The following ANK3 variants were observed in gnomAD, a reference collection of about 807,000 sequenced individuals.
ANK3 encodes the protein ankyrin-3.
In ANK3, 57 loss-of-function variants were observed where a neutral mutation model predicts 370.9. The observed-to-expected ratio is 0.15, with a 90% confidence interval of 0.12 to 0.19. The LOEUF is 0.19. Among genes scored for constraint, ANK3 ranks in the 10% least tolerant of loss-of-function variants. The probability of loss-of-function intolerance (pLI) is 1.00; values close to 1 mark genes in which losing one functional copy is unlikely to be tolerated. For missense variants in ANK3, 4,439 were observed against 5,302.1 expected (o/e 0.84, Z 5.06); for synonymous variants, 1,929 against 1,946.3 (o/e 0.99, Z 0.23).
At chr10:60,217,236 T>G (rs1350101805) in intron 8 of ANK3, among the ~76,000 whole-genome samples, 4 of 152,152 alleles carry the variant, frequency 2.6e-5, no homozygotes, top group South Asian at 2.1e-4. Context: ...ATTGATTTTT[T>G]GGGGGGTTTT....
chr10:60,120,330 T>C (rs2132132376), intron 25 of ANK3, among the ~76,000 whole-genome samples: 1 of 152,062 alleles, frequency 6.6e-6, no homozygotes, highest in East Asian at 1.9e-4. Flanking sequence ...AATTAAAGAC[T>C]TAAATCTAAG....
intron 1 of ANK3, among the ~76,000 whole-genome samples, chr10:60,381,709 A>T (rs2061574018): frequency 6.6e-6 from 1 of 152,296 alleles, no homozygotes; most frequent in African/African-American, 2.4e-5. Context: ...CACTCTTTTT[A>T]TGCAAGGAAC....
chr10:60,348,465 A>G (rs979641324), intron 1 of ANK3, among the ~76,000 whole-genome samples: 2 of 152,026 alleles, frequency 1.3e-5, no homozygotes, highest in African/African-American at 4.8e-5. Context: ...GACTAAAGAC[A>G]CAGACTTAGG....
chr10:60,262,572 A>T (rs569873062), intron 6 of ANK3, among the ~76,000 whole-genome samples: 1 of 152,336 alleles, frequency 6.6e-6, no homozygotes, highest in East Asian at 1.9e-4. Flanking sequence ...ATGCTAAAAC[A>T]TGCAGCGATT....
rs200218631 is a variant in ANK3 at position 60,072,369 on chromosome 10, T to C, written c.8512A>G (p.Thr2838Ala). ...QQAKDLACHI[T>A]SDLATRGPWD... ...GGTCCCCTAGTTGCTAAATCTGAGGTTATATGACATGCCAAGTCTTTAGCC... is the reference window on the plus strand; with the variant it reads ...GGTCCCCTAGTTGCTAAATCTGAGGCTATATGACATGCCAAGTCTTTAGCC... The change falls in exon 37 of 44, where the codon ACC becomes GCC. Residue 2838 changes from threonine to alanine, a missense_variant. Physicochemically the swap from Thr to Ala is moderately conservative, Grantham distance 58 (BLOSUM62 0). This residue lies in a region of ANK3 where 1,601 missense variants were observed against 1,731.7 expected (regional missense o/e 0.92). Coordinates refer to ENST00000280772, the MANE Select transcript of ANK3 (RefSeq NM_020987.5). 1.4e-4 allele frequency: 227 copies of C among 1,613,874 alleles called. No homozygotes were observed. The highest frequency in any genetic ancestry group is 3.3e-4 in the Middle Eastern group (2 of 6,078).
chr10:60,450,651 A>G (rs1188664207), intron 2 of ANK3, among the ~76,000 whole-genome samples: 1 of 152,212 alleles, frequency 6.6e-6, no homozygotes, highest in Non-Finnish European at 1.5e-5. Context: ...TTCGGGCTGG[A>G]GTATAAGATG....
In ANK3 at chr10:60,648,319, AT is replaced by A. The variant is rs71018916; in HGVS notation, c.58-33096del. 6.0e-4 allele frequency among the ~76,000 whole-genome samples: 77 copies of A among 127,336 alleles called. 1 individual carries two copies. The highest frequency in any genetic ancestry group is 4.6e-3 in the Middle Eastern group (1 of 216). The allele number at this position is 127,336 out of a possible 152,430, so 83.5% of individuals were successfully genotyped here. On this transcript the variant is annotated intron_variant, in intron 1 of 43. Coordinates refer to the ANK3 transcript ENST00000373827. Reference sequence around the variant, plus strand: ...AGGCATGAGCCACCATGCCCGGCTAATTTTTTTTTTTTTGTATTTTTAATAG... The same window carrying A: ...AGGCATGAGCCACCATGCCCGGCTAATTTTTTTTTTTTGTATTTTTAATAG...
At chr10:60,143,123 C>T (rs1473167128) in intron 23 of ANK3, among the ~76,000 whole-genome samples, 1 of 152,124 alleles carries the variant, frequency 6.6e-6, no homozygotes, top group Non-Finnish European at 1.5e-5. Context: ...ATTTAAATTG[C>T]TACTATTTAT....
At chr10:60,355,360 A>AT (rs890323523) in intron 1 of ANK3, among the ~76,000 whole-genome samples, 18 of 150,196 alleles carry the variant, frequency 1.2e-4, no homozygotes, top group East Asian at 7.8e-4. Flanking sequence ...ATCAGTGATC[A>AT]TTTTTTTTTT....
upstream of ANK3, among the ~76,000 whole-genome samples, chr10:60,392,574 T>G (rs2063134174): frequency 6.6e-6 from 1 of 152,196 alleles, no homozygotes; most frequent in Non-Finnish European, 1.5e-5. Flanking sequence ...ACCATGAGAA[T>G]GTTTACATAG....
At chr10:60,599,209 G>C (rs1042967437) in intron 2 of ANK3, among the ~76,000 whole-genome samples, 1 of 152,088 alleles carries the variant, frequency 6.6e-6, no homozygotes, top group African/African-American at 2.4e-5. Context: ...GGGATTACAG[G>C]AATGAGCCAC....
At chr10:60,171,122 G>C (rs1028209932) in intron 21 of ANK3, among the ~76,000 whole-genome samples, 1 of 152,056 alleles carries the variant, frequency 6.6e-6, no homozygotes, top group Non-Finnish European at 1.5e-5. Flanking sequence ...CTTAATGATA[G>C]ATTTTAATAT....
At chr10:60,491,547 C>T (rs1595137082) in intron 2 of ANK3, among the ~76,000 whole-genome samples, 1 of 152,288 alleles carries the variant, frequency 6.6e-6, no homozygotes, top group East Asian at 1.9e-4. Flanking sequence ...ACACTTTGTG[C>T]CTACTGTGTT....
Position 60,703,901 on chromosome 10 carries a change from C to G in ANK3, c.57+29362G>C, listed in dbSNP as rs113569552. On this transcript the variant is annotated intron_variant, in intron 1 of 43. Transcript: ENST00000373827. ...TGTTCGTGCCCTTGTGCAGAACCGT[C>G]TCCTTGAATTGGGGTTGACCTTAAC... 9.9e-4 allele frequency among the ~76,000 whole-genome samples: 151 copies of G among 152,276 alleles called. 1 individual carries two copies. Among genetic ancestry groups the G allele is most frequent in the Middle Eastern group, 6.8e-3 (2 of 294 alleles).
chr10:60,650,366 CA>C (rs869281312), intron 1 of ANK3, among the ~76,000 whole-genome samples: 46 of 27,238 alleles, frequency 1.7e-3, no homozygotes, highest in South Asian at 3.4e-3. Context: ...TACTACTTTA[CA>C]AAAAAAAAAA....
chr10:60,598,718 T>C (rs1343852720), intron 2 of ANK3, among the ~76,000 whole-genome samples: 4 of 152,216 alleles, frequency 2.6e-5, no homozygotes, highest in Admixed American at 2.6e-4. Context: ...TAAACATCAA[T>C]GTATGGTTGA....
At chr10:60,212,090 TAA>T (rs1201884141) in intron 9 of ANK3, among the ~76,000 whole-genome samples, 23 of 151,776 alleles carry the variant, frequency 1.5e-4, no homozygotes, top group Non-Finnish European at 4.4e-5. Context: ...TCTTGAAAAT[TAA>T]AAGATTGGAA....
intron 2 of ANK3, among the ~76,000 whole-genome samples, chr10:60,556,572 C>T (rs1414658216): frequency 2.6e-5 from 4 of 152,148 alleles, no homozygotes; most frequent in Non-Finnish European, 4.4e-5. Flanking sequence ...TGTCTTTATC[C>T]ACACATCCAG....
intron 2 of ANK3, among the ~76,000 whole-genome samples, chr10:60,410,540 G>A (rs182573328): frequency 7.9e-5 from 12 of 152,348 alleles, no homozygotes; most frequent in Admixed American, 6.5e-4. Context: ...TGGTGTAGCA[G>A]AGACTGGCTA....
Sources: gnomAD v4.1 joint callset for allele counts (sites outside exome capture counted in the v4.1 genomes callset) on GRCh38, gnomAD v4.1.1 for gene constraint, gnomAD v4.1.1 regional missense constraint, MANE v1.5 for transcripts, NCBI Gene and HGNC (gene_info 2026-07-23, HGNC 2026-07-21) for gene names.